The following SEMA3C variants were observed in gnomAD, a reference collection of about 807,000 sequenced individuals.
SEMA3C encodes the protein semaphorin 3C.
A neutral mutation model predicts 89.4 loss-of-function variants in SEMA3C; 47 were observed. The observed-to-expected ratio is 0.53, with a 90% CI of 0.42 to 0.67. The LOEUF (loss-of-function observed/expected upper bound fraction) is 0.67, where lower values mean the gene tolerates loss of function less well. Among genes scored for constraint, SEMA3C ranks in the 30% least tolerant of loss-of-function variants. The pLI is 0.00. For missense variants in SEMA3C, 839 were observed against 929.1 expected (o/e 0.90, Z 1.26); for synonymous variants, 310 against 320.2 (o/e 0.97, Z 0.34).
Position 80,744,797 on chromosome 7 carries a change from A to T in SEMA3C, c.*97T>A. Reference sequence around the variant, plus strand: ...TTCAGGAGTAATCACCTTTTTCAGTAATTCCCCTTGGTAAAGCACAAGTTT... The same window carrying T: ...TTCAGGAGTAATCACCTTTTTCAGTTATTCCCCTTGGTAAAGCACAAGTTT... On this transcript the variant is annotated 3_prime_UTR_variant, in exon 18 of 18. Transcript: ENST00000265361. The T allele has an allele frequency of 7.3e-7, 1 of 1,369,182 alleles. No homozygotes were observed. Among genetic ancestry groups the T allele is most frequent in the Admixed American group, 1.9e-5 (1 of 51,654 alleles). 84.8% of individuals were successfully genotyped at this position (1,369,182 alleles called of 1,614,324 possible).
intron 9 of SEMA3C, among the ~76,000 whole-genome samples, chr7:80,801,523 G>T (rs991847983): frequency 1.3e-5 from 2 of 151,954 alleles, no homozygotes; most frequent in Non-Finnish European, 1.5e-5. Flanking sequence ...ATAATCAATT[G>T]CCATGATTAT....
At chr7:80,816,589 T>C (rs1464082104) in intron 5 of SEMA3C, among the ~76,000 whole-genome samples, 1 of 152,162 alleles carries the variant, frequency 6.6e-6, no homozygotes, top group Admixed American at 6.5e-5. Flanking sequence ...ATGGCTTTTA[T>C]ACTACAAATA....
intron 2 of SEMA3C, among the ~76,000 whole-genome samples, chr7:80,839,033 T>A (rs1391758692): frequency 6.6e-6 from 1 of 152,162 alleles, no homozygotes; most frequent in African/African-American, 2.4e-5. Flanking sequence ...TGGCCAATCT[T>A]TTGTTCCTTG....
intron 2 of SEMA3C, among the ~76,000 whole-genome samples, chr7:80,873,662 T>C (rs1458747687): frequency 6.6e-6 from 1 of 152,214 alleles, no homozygotes; most frequent in African/African-American, 2.4e-5. Flanking sequence ...TTAAAGTCAC[T>C]ATCCTCACTG....
chr7:80,916,729 C>G lies in SEMA3C; in HGVS notation c.53G>C (p.Cys18Ser), dbSNP rs1314794066. 6.2e-7 allele frequency: 1 copy of G among 1,613,536 alleles called. No individual in the cohort carries two copies. The highest frequency in any genetic ancestry group is 8.5e-7 in the Non-Finnish European group (1 of 1,179,782). The stretch of plus-strand genomic sequence containing the variant: ...TTGGGGCTGGGAAGATCCTTTCACA[C>G]AGATAGAACAAATAAATACTCCAAC... ...VLVGVFICSICVKGSSQPQAR... is the reference protein window; with the variant it reads ...VLVGVFICSISVKGSSQPQAR... Residue 18 changes from cysteine to serine, a missense_variant, in exon 2 of 18, where the codon TGT (cysteine) becomes TCT (serine). Coordinates refer to ENST00000265361, the MANE Select transcript of SEMA3C (RefSeq NM_006379.5).
intron 17 of SEMA3C, among the ~76,000 whole-genome samples, chr7:80,747,441 G>T (rs957434123): frequency 6.6e-6 from 1 of 151,870 alleles, no homozygotes; most frequent in African/African-American, 2.4e-5. Context: ...GTTGATCCTT[G>T]TTTAAGTATT....
chr7:80,798,662 T>A (rs1298278259), intron 10 of SEMA3C, among the ~76,000 whole-genome samples: 1 of 152,220 alleles, frequency 6.6e-6, no homozygotes, highest in Non-Finnish European at 1.5e-5. Context: ...CTTTTTGTGT[T>A]ATGATTATTT....
At chr7:80,840,478 CA>C (rs972016344) in intron 2 of SEMA3C, among the ~76,000 whole-genome samples, 4 of 142,654 alleles carry the variant, frequency 2.8e-5, no homozygotes, top group Non-Finnish European at 6.0e-5. Flanking sequence ...GTGATTGCAC[CA>C]CTGCACTCCA....
chr7:80,826,240 T>C (rs1462118053), intron 4 of SEMA3C, among the ~76,000 whole-genome samples: 1 of 152,148 alleles, frequency 6.6e-6, no homozygotes, highest in Admixed American at 6.6e-5. Flanking sequence ...CGGTCTTGTC[T>C]GATCCATCTC....
chr7:80,824,830 C>T (rs943530061), intron 4 of SEMA3C, among the ~76,000 whole-genome samples: 1 of 152,088 alleles, frequency 6.6e-6, no homozygotes, highest in African/African-American at 2.4e-5. Flanking sequence ...GTCCACCTTG[C>T]AGTATTGTTA....
At chr7:80,820,891 T>C (rs1463235131) in intron 4 of SEMA3C, among the ~76,000 whole-genome samples, 2 of 152,140 alleles carry the variant, frequency 1.3e-5, no homozygotes, top group East Asian at 1.9e-4. Context: ...CCCCATAAGA[T>C]ATAAATAATT....
intron 4 of SEMA3C, among the ~76,000 whole-genome samples, chr7:80,819,513 G>A (rs1372907996): frequency 6.6e-6 from 1 of 152,108 alleles, no homozygotes; most frequent in Non-Finnish European, 1.5e-5. Flanking sequence ...AGTGCACAAT[G>A]GCAGACACTA....
chr7:80,775,467 G>A lies in SEMA3C; in HGVS notation c.1355-10224C>T, dbSNP rs535940131. On this transcript the variant is annotated intron_variant, in intron 12 of 17. Transcript: ENST00000265361. The stretch of plus-strand genomic sequence containing the variant: ...AGACCTATATGTGATATCTTACAGA[G>A]TATTAAAAAATCAGTATTTACAATC... Among the ~76,000 whole-genome samples, 11 of 152,190 alleles carry A rather than the reference G, an allele frequency of 7.2e-5. No individual in the cohort carries two copies. In the East Asian group the frequency reaches 2.1e-3, roughly 29 times the overall value.
rs943856155 is a variant in SEMA3C, at chr7:80,743,554, A to T, written c.*1340T>A. The T allele has an allele frequency of 5.9e-5, 9 of 151,974 alleles. No homozygotes were observed. The highest frequency in any genetic ancestry group is 1.3e-4 in the Non-Finnish European group (9 of 67,858). 9.4% of individuals were successfully genotyped at this position (151,974 alleles called of 1,614,324 possible). ...AAAAGGTAAATAAAAAAGCAAAAGT[A>T]GTGTTTTTAAAATATATATGAGAGC... On this transcript the variant is annotated 3_prime_UTR_variant, in exon 18 of 18. Coordinates refer to ENST00000265361, the MANE Select transcript of SEMA3C (RefSeq NM_006379.5).
chr7:80,875,117 C>T (rs999605742), intron 2 of SEMA3C, among the ~76,000 whole-genome samples: 3 of 151,562 alleles, frequency 2.0e-5, no homozygotes, highest in Non-Finnish European at 4.4e-5. Context: ...AAAAAAACAC[C>T]TTCCTCATAG....
chr7:80,802,322 A>T (rs1335887113), intron 9 of SEMA3C, among the ~76,000 whole-genome samples: 1 of 152,164 alleles, frequency 6.6e-6, no homozygotes, highest in Non-Finnish European at 1.5e-5. Context: ...CAAAATCAGA[A>T]TATTAGATAT....
chr7:80,874,092 G>T (rs964326839), intron 2 of SEMA3C, among the ~76,000 whole-genome samples: 1 of 152,104 alleles, frequency 6.6e-6, no homozygotes, highest in Admixed American at 6.5e-5. Context: ...TGTACTCCTT[G>T]TTTATACTAA....
intron 12 of SEMA3C, among the ~76,000 whole-genome samples, chr7:80,778,509 C>A (rs1308559094): frequency 6.6e-6 from 1 of 152,176 alleles, no homozygotes; most frequent in Admixed American, 6.5e-5. Flanking sequence ...AAGATAGGTT[C>A]TTCTGTGTTA....
chr7:80,912,920 T>A (rs1443534933), intron 2 of SEMA3C, among the ~76,000 whole-genome samples: 2 of 152,182 alleles, frequency 1.3e-5, no homozygotes, highest in African/African-American at 2.4e-5. Context: ...CCAATAACAA[T>A]TCATCAGCTT....
Sources: gnomAD v4.1 joint callset for allele counts (sites outside exome capture counted in the v4.1 genomes callset) on GRCh38, gnomAD v4.1.1 for gene constraint, MANE v1.5 for transcripts, NCBI Gene and HGNC (gene_info 2026-07-23, HGNC 2026-07-21) for gene names.